Variants in SRPK2 observed in about 807,000 individuals in gnomAD.
SRPK2 encodes the protein SFRS protein kinase 2.
SRPK2 carries 21 observed loss-of-function variants against 90.8 expected under a neutral mutation model. The ratio of observed to expected loss-of-function variants is 0.23; its 90% CI spans 0.16 to 0.33. SRPK2 has a LOEUF of 0.33. Ranked by LOEUF, SRPK2 falls within the 10% of genes least tolerant of loss-of-function variation. The pLI is 1.00. For missense variants in SRPK2, 620 were observed against 869.0 expected, an observed-to-expected ratio of 0.71 and a Z score of 3.60; for synonymous variants, 288 against 311.1, an observed-to-expected ratio of 0.93 and a Z score of 0.78.
At chr7:105,389,013 C>G (rs1431610528), upstream of SRPK2, 1 of 987,124 alleles carries the variant, frequency 1.0e-6, no homozygotes. Context: ...CCGCCGGCCC[C>G]GGGGGTCGGG....
chr7:105,364,021 C>A, intron 2 of SRPK2, among the ~76,000 whole-genome samples: 1 of 141,480 alleles, frequency 7.1e-6, no homozygotes, highest in East Asian at 2.3e-4. Context: ...ACATCACACA[C>A]TGGGGCCTGT....
chr7:105,336,247 C>T (rs1251343913), intron 2 of SRPK2, among the ~76,000 whole-genome samples: 2 of 152,054 alleles, frequency 1.3e-5, no homozygotes, highest in African/African-American at 4.8e-5. Context: ...TTCTTTACAA[C>T]GTTTTACTAA....
At chr7:105,265,241 T>G (rs1398867611) in intron 2 of SRPK2, among the ~76,000 whole-genome samples, 1 of 152,174 alleles carries the variant, frequency 6.6e-6, no homozygotes, top group African/African-American at 2.4e-5. Flanking sequence ...ATATTTGGGA[T>G]ATAAAACAAT....
At chr7:105,319,436 CATACTGGTGATTA>C (rs2131516340) in intron 2 of SRPK2, among the ~76,000 whole-genome samples, 1 of 126,676 alleles carries the variant, frequency 7.9e-6, no homozygotes, top group African/African-American at 3.0e-5. Context: ...ACTTAAGAAA[CATACTGGTGATTA>C]ACAATTTTTA....
At chr7:105,384,634 A>C (rs906908251) in intron 2 of SRPK2, among the ~76,000 whole-genome samples, 3 of 152,146 alleles carry the variant, frequency 2.0e-5, no homozygotes, top group African/African-American at 7.2e-5. Context: ...ATTAATCAAA[A>C]AGCAAAAACC....
chr7:105,245,072 C>CACA, intron 2 of SRPK2: 5 of 596,346 alleles, frequency 8.4e-6, no homozygotes, highest in South Asian at 5.5e-5. Context: ...CACACACACA[C>CACA]ACCTCTTTTT....
chr7:105,365,737 T>C (rs1488390746), intron 2 of SRPK2, among the ~76,000 whole-genome samples: 1 of 151,722 alleles, frequency 6.6e-6, no homozygotes, highest in African/African-American at 2.4e-5. Context: ...AGGTCAGGGC[T>C]GGAGTGAGTC....
At chr7:105,353,503 T>TTTG (rs34789062) in intron 2 of SRPK2, among the ~76,000 whole-genome samples, 75,232 of 145,932 alleles carry the variant, frequency 0.52, 20,401 homozygotes, top group Middle Eastern at 0.64. Flanking sequence ...TCCAGCCCAG[T>TTTG]TTGTTGTTGT....
intron 2 of SRPK2, among the ~76,000 whole-genome samples, chr7:105,346,251 T>C (rs1445267412): frequency 1.3e-5 from 2 of 152,204 alleles, no homozygotes; most frequent in Non-Finnish European, 2.9e-5. Context: ...AATTTACTAA[T>C]TGGCTTCAAA....
At chr7:105,143,359 A>G in intron 9 of SRPK2, 29 bp from the exon 10 acceptor site, 6 of 1,595,514 alleles carry the variant, frequency 3.8e-6, no homozygotes, top group Non-Finnish European at 5.1e-6. Context: ...ACAGGTCAGT[A>G]TTCTTCTTTT....
intron 2 of SRPK2, among the ~76,000 whole-genome samples, chr7:105,360,465 T>C (rs1238102400): frequency 1.3e-5 from 2 of 152,246 alleles, no homozygotes; most frequent in South Asian, 4.1e-4. Context: ...AGTTTCCTCA[T>C]AGCATCGATG....
upstream of SRPK2, among the ~76,000 whole-genome samples, chr7:105,390,478 G>C (rs1017539123): frequency 6.6e-6 from 1 of 152,022 alleles, no homozygotes; most frequent in Non-Finnish European, 1.5e-5. Flanking sequence ...ACCCAGGCTG[G>C]AGTGCAGTGG....
intron 2 of SRPK2, among the ~76,000 whole-genome samples, chr7:105,237,149 C>G (rs552605507): frequency 7.9e-5 from 12 of 152,216 alleles, no homozygotes; most frequent in Non-Finnish European, 1.6e-4. Context: ...CTCAAAAGCC[C>G]ACAAACTTAG....
rs1013001554 is a variant in SRPK2 at position 105,201,293 on chromosome 7, T to TG, written c.229+2334dup. Among the ~76,000 whole-genome samples, 200 of 151,718 alleles carry TG rather than the reference T, an allele frequency of 1.3e-3. 2 individuals carry two copies. Among genetic ancestry groups the TG allele is most frequent in the African/African-American group, 3.5e-3 (145 of 41,358 alleles). ...AAAGGTACAAGTTACTTACCAAATT[T>TG]GGGGGGGGCTGGCACGGGTATAAGG... On this transcript the variant is annotated intron_variant, in intron 3 of 15. Transcript: ENST00000393651.
At chr7:105,258,139 C>T (rs1323002043) in intron 2 of SRPK2, among the ~76,000 whole-genome samples, 1 of 151,324 alleles carries the variant, frequency 6.6e-6, no homozygotes, top group African/African-American at 2.4e-5. Context: ...TGATATGAGG[C>T]CAGGTGCGGT....
At chr7:105,192,444 T>C (rs1327717814) in intron 3 of SRPK2, among the ~76,000 whole-genome samples, 1 of 152,200 alleles carries the variant, frequency 6.6e-6, no homozygotes, top group Non-Finnish European at 1.5e-5. Context: ...ATCCACTCAT[T>C]TATTGAGGGA....
rs1333517201 is a variant in SRPK2 at position 105,117,134 on chromosome 7, C to T, written c.*704G>A. ...TAGAATGAGAAACATATCTTTTCTT[C>T]CTTTAAAGTGCCATATAGAGAATGA... On this transcript the variant is annotated 3_prime_UTR_variant, in exon 16 of 16. Coordinates refer to ENST00000393651, the MANE Select transcript of SRPK2 (RefSeq NM_182692.3). 1.3e-5 allele frequency: 2 copies of T among 152,144 alleles called. No individual in the cohort carries two copies. Among genetic ancestry groups the T allele is most frequent in the Non-Finnish European group, 2.9e-5 (2 of 68,014 alleles). 9.4% of individuals were successfully genotyped at this position (152,144 alleles called of 1,614,324 possible).
chr7:105,278,579 G>C (rs1806832344), intron 2 of SRPK2, among the ~76,000 whole-genome samples: 3 of 151,348 alleles, frequency 2.0e-5, no homozygotes. Context: ...TGAGCTACTT[G>C]GGAAGCTGAG....
intron 2 of SRPK2, among the ~76,000 whole-genome samples, chr7:105,238,752 G>T (rs2129622268): frequency 2.0e-5 from 1 of 49,014 alleles, no homozygotes; most frequent in East Asian, 2.3e-4. Flanking sequence ...CTGAAAATTT[G>T]TTCTGTGTTT....
Sources: gnomAD v4.1 joint callset for allele counts (sites outside exome capture counted in the v4.1 genomes callset) on GRCh38, gnomAD v4.1.1 for gene constraint, MANE v1.5 for transcripts, NCBI Gene and HGNC (gene_info 2026-07-23, HGNC 2026-07-21) for gene names.